LRRC37A2: variants seen among roughly 807,000 people sequenced by gnomAD.
The protein encoded by LRRC37A2 is leucine rich repeat containing 37 member A2, also known as leucine-rich repeat-containing protein 37A2.
A neutral mutation model predicts 68.8 loss-of-function variants in LRRC37A2; 9 were observed. The ratio of observed to expected loss-of-function variants is 0.13; its 90% CI spans 0.08 to 0.23. The LOEUF is 0.23. Ranked by LOEUF, LRRC37A2 falls within the 10% of genes least tolerant of loss-of-function variation. The pLI is 1.00. For synonymous variants in LRRC37A2, 63 were observed against 367.6 expected (o/e 0.17, Z 9.48); for missense variants, 168 against 950.4 (o/e 0.18, Z 10.82).
At chr17:46,865,459 C>A in the LRRC37A2 span, among the ~76,000 whole-genome samples, 2 of 151,998 alleles carry the variant, frequency 1.3e-5, no homozygotes, top group Non-Finnish European at 2.9e-5. Context: ...GGAAGTGTGG[C>A]CAGATTCAGT....
At chr17:47,013,174 T>C in the LRRC37A2 span, among the ~76,000 whole-genome samples, 1 of 152,182 alleles carries the variant, frequency 6.6e-6, no homozygotes, top group Admixed American at 6.5e-5. Flanking sequence ...AGACAGAAAG[T>C]AGACTAGTGG....
the LRRC37A2 span, among the ~76,000 whole-genome samples, chr17:46,773,363 A>G: frequency 6.6e-6 from 1 of 152,106 alleles, no homozygotes; most frequent in African/African-American, 2.4e-5. Flanking sequence ...CACTTAACAC[A>G]GCATTGGGGA....
At chr17:47,020,059 C>T in the LRRC37A2 span, among the ~76,000 whole-genome samples, 2 of 150,426 alleles carry the variant, frequency 1.3e-5, no homozygotes, top group African/African-American at 2.5e-5. Flanking sequence ...ATTGCTTAAC[C>T]GCTGCTCTCC....
intron 6 of LRRC37A2, among the ~76,000 whole-genome samples, chr17:46,525,602 T>TAAA (rs1346950818): frequency 9.7e-6 from 1 of 103,266 alleles, no homozygotes; most frequent in South Asian, 4.5e-4. Context: ...ATAATAATAA[T>TAAA]ATAATAATAA....
the LRRC37A2 span, among the ~76,000 whole-genome samples, chr17:46,919,355 T>C: frequency 2.6e-5 from 4 of 152,028 alleles, no homozygotes; most frequent in Admixed American, 2.6e-4. Flanking sequence ...AAAGAAAAAA[T>C]GGGATATAAG....
At chr17:46,878,953 C>T in the LRRC37A2 span, among the ~76,000 whole-genome samples, 4 of 152,188 alleles carry the variant, frequency 2.6e-5, no homozygotes, top group Non-Finnish European at 5.9e-5. Flanking sequence ...CTTCCTTGCT[C>T]TCATCCCTTT....
the LRRC37A2 span, among the ~76,000 whole-genome samples, chr17:46,944,583 G>A: frequency 6.6e-6 from 1 of 151,612 alleles, no homozygotes; most frequent in Non-Finnish European, 1.5e-5. Flanking sequence ...TCTACAGTGG[G>A]GCCTGGGCTT....
At chr17:46,923,196 G>A in the LRRC37A2 span, 6 of 1,547,274 alleles carry the variant, frequency 3.9e-6, no homozygotes, top group African/African-American at 1.4e-5. Flanking sequence ...CGGCGACATG[G>A]ATCCCCTGTT....
the LRRC37A2 span, among the ~76,000 whole-genome samples, chr17:46,813,186 A>G: frequency 6.6e-6 from 1 of 151,786 alleles, no homozygotes; most frequent in Non-Finnish European, 1.5e-5. Flanking sequence ...TGTGCAGTAG[A>G]GTGTCATGCT....
chr17:46,558,492 T>G (rs1218154150), downstream of LRRC37A2, among the ~76,000 whole-genome samples: 3 of 119,766 alleles, frequency 2.5e-5, no homozygotes, highest in Non-Finnish European at 5.1e-5. Context: ...GTTCAAGTGA[T>G]TCTCCTGCCT....
chr17:47,004,706 T>C, the LRRC37A2 span, among the ~76,000 whole-genome samples: 1 of 152,198 alleles, frequency 6.6e-6, no homozygotes, highest in East Asian at 1.9e-4. Flanking sequence ...TTTACTTTAT[T>C]TTTTGTAGAG....
At chr17:46,621,236 A>T in the LRRC37A2 span, among the ~76,000 whole-genome samples, 3 of 150,264 alleles carry the variant, frequency 2.0e-5, no homozygotes, top group African/African-American at 7.5e-5. Flanking sequence ...TTACCTGTGA[A>T]TGAAGCCGTT....
chr17:46,819,304 C>A, the LRRC37A2 span, among the ~76,000 whole-genome samples: 1 of 152,126 alleles, frequency 6.6e-6, no homozygotes, highest in Non-Finnish European at 1.5e-5. The surrounding 1 kb of genome is among the most constrained non-coding windows in gnomAD (Gnocchi z 5.3). Flanking sequence ...CGCGGAGGCT[C>A]GAAGGTCTGG....
the LRRC37A2 span, among the ~76,000 whole-genome samples, chr17:46,859,499 A>G: frequency 6.6e-6 from 1 of 152,166 alleles, no homozygotes; most frequent in African/African-American, 2.4e-5. Flanking sequence ...ATTTATCTAT[A>G]TGCCTATCCT....
chr17:46,857,080 T>C, the LRRC37A2 span, among the ~76,000 whole-genome samples: 169 of 152,312 alleles, frequency 1.1e-3, 1 homozygote, highest in Non-Finnish European at 3.5e-4. Flanking sequence ...ATCCATGTCG[T>C]TGAATATAGC....
the LRRC37A2 span, chr17:46,929,887 A>G: frequency 6.8e-6 from 2 of 296,190 alleles, no homozygotes; most frequent in Non-Finnish European, 1.3e-5. Flanking sequence ...AATGTACTCC[A>G]TAAAAATTCA....
chr17:46,995,948 C>T, the LRRC37A2 span, among the ~76,000 whole-genome samples: 1 of 152,176 alleles, frequency 6.6e-6, no homozygotes, highest in Admixed American at 6.5e-5. Context: ...AGTGGCTGGT[C>T]CCTGCTACCT....
At chr17:46,791,110 C>G in the LRRC37A2 span, among the ~76,000 whole-genome samples, 148,600 of 152,272 alleles carry the variant, frequency 0.98, 72,616 homozygotes, top group East Asian at 1. Context: ...CACTCTTTGG[C>G]TTCAAGGCAG....
At chr17:46,984,168 G>C in the LRRC37A2 span, 1 of 152,210 alleles carries the variant, frequency 6.6e-6, no homozygotes, top group African/African-American at 2.4e-5. Flanking sequence ...AAAGAAACAA[G>C]TTGACAGATG....
Sources: gnomAD v4.1 joint callset for allele counts (sites outside exome capture counted in the v4.1 genomes callset) on GRCh38, gnomAD v4.1.1 for gene constraint, Gnocchi (gnomAD v3.1) non-coding constraint, MANE v1.5 for transcripts, NCBI Gene and HGNC (gene_info 2026-07-23, HGNC 2026-07-21) for gene names.